The following CSMD1 variants were observed in gnomAD, a reference collection of about 807,000 sequenced individuals.
CSMD1 encodes CUB and sushi domain-containing protein 1.
In CSMD1, 213 loss-of-function variants were observed where a neutral mutation model predicts 417.5. The observed-to-expected ratio is 0.51, with a 90% CI of 0.46 to 0.57. CSMD1 has a LOEUF of 0.57. Among genes scored for constraint, CSMD1 ranks in the 20% least tolerant of loss-of-function variants. The pLI, the probability that CSMD1 is intolerant of heterozygous loss-of-function variation, is 0.00. For synonymous variants in CSMD1, 2,862 were observed against 1,736.8 expected (o/e 1.65, Z -16.11); for missense variants, 6,923 against 4,529.7 (o/e 1.53, Z -15.17).
At chr8:3,609,403 T>C (rs1413296746) in intron 8 of CSMD1, among the ~76,000 whole-genome samples, 1 of 152,204 alleles carries the variant, frequency 6.6e-6, no homozygotes, top group Non-Finnish European at 1.5e-5. Context: ...TGGTGAAAAA[T>C]ACTGTCAGCA....
chr8:3,070,067 C>G (rs11779935), intron 49 of CSMD1, among the ~76,000 whole-genome samples: 3 of 152,166 alleles, frequency 2.0e-5, no homozygotes, highest in South Asian at 4.1e-4. Context: ...AGCCAGTATG[C>G]GGAAAGCAGC....
At chr8:2,944,793 G>A (rs900167655) in intron 68 of CSMD1, among the ~76,000 whole-genome samples, 19 of 151,948 alleles carry the variant, frequency 1.3e-4, no homozygotes, top group Non-Finnish European at 2.1e-4. Context: ...GTAATTCTGG[G>A]ATTATCTGTC....
intron 1 of CSMD1, among the ~76,000 whole-genome samples, chr8:4,663,460 G>C (rs968172783): frequency 6.6e-6 from 1 of 152,154 alleles, no homozygotes; most frequent in Non-Finnish European, 1.5e-5. Flanking sequence ...GAATATTGGA[G>C]GAGGGGCCTG....
chr8:3,559,058 A>G (rs1026155046), intron 10 of CSMD1, among the ~76,000 whole-genome samples: 7 of 152,146 alleles, frequency 4.6e-5, no homozygotes, highest in African/African-American at 1.7e-4. Flanking sequence ...GACCATGGAG[A>G]AGTGTTGAAG....
chr8:2,949,450 T>C, intron 67 of CSMD1, 64 bp from the exon 68 acceptor site: 3 of 774,962 alleles, frequency 3.9e-6, no homozygotes, highest in Non-Finnish European at 6.2e-6. Flanking sequence ...TAATATCCTC[T>C]TTTAATATAT....
intron 46 of CSMD1, among the ~76,000 whole-genome samples, chr8:3,103,222 C>T (rs982387762): frequency 2.0e-5 from 3 of 152,116 alleles, no homozygotes; most frequent in African/African-American, 4.8e-5. Flanking sequence ...GTTGGTCTGG[C>T]GATAATTTCC....
intron 3 of CSMD1, among the ~76,000 whole-genome samples, chr8:4,362,612 T>C (rs1231543111): frequency 1.3e-5 from 2 of 152,180 alleles, no homozygotes; most frequent in African/African-American, 4.8e-5. Context: ...AAACATTCTT[T>C]TCTCTTTTCA....
chr8:4,078,896 AATATATATATATATATATATATAT>A (rs1173719388), intron 3 of CSMD1, among the ~76,000 whole-genome samples: 615 of 43,552 alleles, frequency 0.014, 19 homozygotes, highest in Non-Finnish European at 0.021. Flanking sequence ...AATAATAATA[AATATATATATATATATATATATAT>A]ATATATATAT....
At chr8:3,127,288 T>TAA (rs1817559863) in intron 41 of CSMD1, 2 of 152,118 alleles carry the variant, frequency 1.3e-5, no homozygotes. Flanking sequence ...TGCAGACGGG[T>TAA]AAAAACAGAG....
intron 2 of CSMD1, among the ~76,000 whole-genome samples, chr8:4,429,551 C>T (rs1307990454): frequency 6.6e-6 from 1 of 152,118 alleles, no homozygotes; most frequent in African/African-American, 2.4e-5. Flanking sequence ...AAGCGTGAGA[C>T]TCATTACAGA....
chr8:4,631,153 G>C (rs1001842361), intron 2 of CSMD1, among the ~76,000 whole-genome samples: 2 of 152,096 alleles, frequency 1.3e-5, no homozygotes, highest in South Asian at 4.1e-4. Flanking sequence ...ACGAGGTCAG[G>C]AGTTCTAGAC....
At chr8:4,752,662 G>A (rs1811409143) in intron 1 of CSMD1, among the ~76,000 whole-genome samples, 1 of 152,180 alleles carries the variant, frequency 6.6e-6, no homozygotes, top group Non-Finnish European at 1.5e-5. Flanking sequence ...CTCTCCAGCA[G>A]ATAAAATCTG....
At chr8:3,417,043 G>C (rs1035196385) in intron 12 of CSMD1, among the ~76,000 whole-genome samples, 3 of 152,184 alleles carry the variant, frequency 2.0e-5, no homozygotes, top group Non-Finnish European at 4.4e-5. Context: ...TTTACCAAGA[G>C]TTTAAATCAC....
intron 10 of CSMD1, among the ~76,000 whole-genome samples, chr8:3,571,917 C>T (rs1228828261): frequency 6.6e-6 from 1 of 152,180 alleles, no homozygotes; most frequent in Non-Finnish European, 1.5e-5. Flanking sequence ...GAAAGGGCTA[C>T]AGGAAGAAGT....
chr8:4,431,668 A>G (rs1797879127), intron 2 of CSMD1, among the ~76,000 whole-genome samples: 1 of 152,206 alleles, frequency 6.6e-6, no homozygotes, highest in African/African-American at 2.4e-5. Flanking sequence ...GGAAGAAAAG[A>G]TAGAGGAATG....
At chr8:3,469,652 C>G (rs1237528296) in intron 11 of CSMD1, among the ~76,000 whole-genome samples, 5 of 152,174 alleles carry the variant, frequency 3.3e-5, no homozygotes, top group Non-Finnish European at 7.3e-5. Context: ...AAATAGGAAG[C>G]TTGACTTTCA....
rs190038969 is a variant in CSMD1 at position 3,386,529 on chromosome 8, G to T, written c.2782+965C>A. 7.2e-5 allele frequency among the ~76,000 whole-genome samples: 11 copies of T among 152,294 alleles called. No homozygotes were observed. The East Asian group carries it at 2.1e-3, about 29-fold the overall frequency. ...AAAGGTCAAAGATTTTGAGTGATCT[G>T]CAGTTAAGCAGAATTTTTCCATAAA... is the stretch of plus-strand genomic sequence containing the variant. On this transcript the variant is annotated intron_variant, in intron 18 of 69. Coordinates refer to ENST00000635120, the MANE Select transcript of CSMD1 (RefSeq NM_033225.6).
intron 7 of CSMD1, among the ~76,000 whole-genome samples, chr8:3,693,939 G>A (rs538079941): frequency 1.9e-4 from 28 of 151,146 alleles, no homozygotes; most frequent in African/African-American, 5.1e-4. Flanking sequence ...TGGTGTGTGC[G>A]TCGTGTGTTG....
chr8:3,715,774 C>A (rs541569715), intron 6 of CSMD1, among the ~76,000 whole-genome samples: 6 of 152,266 alleles, frequency 3.9e-5, no homozygotes, highest in African/African-American at 1.4e-4. Context: ...AACTCCCGAC[C>A]TCATGTGATC....
Sources: allele counts gnomAD v4.1 joint callset (sites outside exome capture counted in the v4.1 genomes callset), GRCh38; gene constraint gnomAD v4.1.1; transcripts MANE v1.5; gene names NCBI Gene and HGNC (gene_info 2026-07-23, HGNC 2026-07-21).